The following MS4A7 variants were observed in gnomAD, a reference collection of about 807,000 sequenced individuals.
MS4A7 encodes the protein membrane-spanning 4-domains subfamily A member 7.
In MS4A7, 21 loss-of-function variants were observed where a neutral mutation model predicts 23.5. That is an observed-to-expected ratio of 0.89 (90% CI 0.63 to 1.29). The LOEUF is 1.29. Ranked by LOEUF, MS4A7 falls within the 50% of genes most tolerant of loss-of-function variation. MS4A7 has a pLI of 0.00. For synonymous variants in MS4A7, 111 were observed against 107.4 expected (o/e 1.03, Z -0.21); for missense variants, 263 against 274.2 (o/e 0.96, Z 0.29).
intron 4 of MS4A7, 162 bp from the exon 5 acceptor site, chr11:60,389,228 C>T (rs2233250): frequency 2.1e-4 from 126 of 599,730 alleles, no homozygotes; most frequent in East Asian, 3.9e-4. Flanking sequence ...AACTAAATAG[C>T]GACAAGAGAT....
At chr11:60,391,634 C>T (rs1363604340) in intron 5 of MS4A7, among the ~76,000 whole-genome samples, 1 of 152,002 alleles carries the variant, frequency 6.6e-6, no homozygotes, top group Non-Finnish European at 1.5e-5. Flanking sequence ...GTAATAGAAA[C>T]CAGGCCAGGT....
chr11:60,393,778 A>G lies in MS4A7; in HGVS notation c.649-9A>G. The stretch of plus-strand genomic sequence containing the variant: ...GTTTAAAAATTCTAACCAATTATGT[A>G]TTTTCTAGAGTTCATTTTCCTCGAC... On this transcript the variant is annotated splice_polypyrimidine_tract_variant and intron_variant, in intron 6 of 6. Transcript: ENST00000300184. 6.3e-7 allele frequency: 1 copy of G among 1,598,568 alleles called. No homozygotes were observed. The highest frequency in any genetic ancestry group is 8.5e-7 in the Non-Finnish European group (1 of 1,171,790).
At chr11:60,386,475 G>A in intron 3 of MS4A7, 1 of 429,890 alleles carries the variant, frequency 2.3e-6, no homozygotes, top group Non-Finnish European at 4.1e-6. Flanking sequence ...TCAGTTCCTA[G>A]TGATTTCCAC....
At chr11:60,382,891 C>T (rs941752097) in intron 1 of MS4A7, among the ~76,000 whole-genome samples, 1 of 152,052 alleles carries the variant, frequency 6.6e-6, no homozygotes, top group Non-Finnish European at 1.5e-5. Context: ...ATTGTGGGAC[C>T]CCTCAAAATG....
rs370645324 is a variant in MS4A7 at position 60,392,783 on chromosome 11, T to C, written c.645T>C (p.Pro215=). The C allele has an allele frequency of 3.1e-6, 5 of 1,610,050 alleles. No homozygotes were observed. In the South Asian group the frequency reaches 4.4e-5, roughly 14 times the overall value. ...GGAAACAGCTCTACTCCAACAACCCTGGGGTGAGTATGCTGACATGTCGCC... is the reference window on the plus strand; with the variant it reads ...GGAAACAGCTCTACTCCAACAACCCCGGGGTGAGTATGCTGACATGTCGCC... ...FWWKQLYSNN[P]GSSFSSTQSQ... Residue 215 remains proline, a synonymous_variant, in exon 6 of 7, where the codon CCT becomes CCC. Coordinates refer to ENST00000300184, the MANE Select transcript of MS4A7 (RefSeq NM_021201.5).
At position 60,394,041 on chromosome 11, in the gene MS4A7, A is replaced by C. The variant is rs1379237234; in HGVS notation, c.*180A>C. 2 of 361,588 alleles carry C rather than the reference A, an allele frequency of 5.5e-6. No individual in the cohort carries two copies. The highest frequency in any genetic ancestry group is 1.1e-4 in the South Asian group (2 of 18,848). 22.4% of individuals were successfully genotyped at this position (361,588 alleles called of 1,614,324 possible). A position where few individuals can be genotyped will look rare whatever the true frequency, so the allele number is the denominator to read the frequency against. ...AATTTCTCTTGAAAATAATTTCCTC[A>C]AAGCCCAAGTCAATAAATGTTATCA... is the stretch of plus-strand genomic sequence containing the variant. On this transcript the variant is annotated 3_prime_UTR_variant, in exon 7 of 7. Transcript: ENST00000300184.
rs1214852409 is a variant in MS4A7 at position 60,394,379 on chromosome 11, C to T, written c.*518C>T. On this transcript the variant is annotated 3_prime_UTR_variant, in exon 7 of 7. Coordinates refer to ENST00000300184, the MANE Select transcript of MS4A7 (RefSeq NM_021201.5). ...AGGTGGAAGACAGCAAAGAGATCTT[C>T]TCAAGTGCTTAGGATTACCTCTCAA... is the stretch of plus-strand genomic sequence containing the variant. 1 of 152,732 alleles carries T rather than the reference C, an allele frequency of 6.5e-6. No individual in the cohort carries two copies. The highest frequency in any genetic ancestry group is 6.5e-5 in the Admixed American group (1 of 15,300). 9.5% of individuals were successfully genotyped at this position (152,732 alleles called of 1,614,324 possible).
chr11:60,390,589 C>A (rs1484713177), intron 5 of MS4A7, among the ~76,000 whole-genome samples: 3 of 152,082 alleles, frequency 2.0e-5, no homozygotes, highest in Admixed American at 2.0e-4. Flanking sequence ...AGCACAGAGA[C>A]CTGTCTGGAG....
intron 4 of MS4A7, 26 bp from the exon 5 acceptor site, chr11:60,389,364 A>T (rs778741586): frequency 1.3e-6 from 2 of 1,580,256 alleles, no homozygotes; most frequent in Non-Finnish European, 1.7e-6. Flanking sequence ...CTGTGATGAG[A>T]ACCCAATGCA....
intron 5 of MS4A7, 95 bp from the exon 6 acceptor site, chr11:60,392,590 T>C: frequency 1.2e-6 from 1 of 831,266 alleles, no homozygotes; most frequent in South Asian, 1.6e-5. Context: ...TCTCCTTTTC[T>C]CTGCATTGCT....
In MS4A7 at chr11:60,395,887, C is replaced by T. The variant is rs1390983255; in HGVS notation, c.*2026C>T. The T allele has an allele frequency of 6.6e-6, 1 of 151,656 alleles. No homozygotes were observed. The highest frequency in any genetic ancestry group is 6.6e-5 in the Admixed American group (1 of 15,236). The allele number at this position is 151,656 out of a possible 1,614,324, so 9.4% of individuals were successfully genotyped here. ...ATGTATATCAAAACATGTAGTACAC[C>T]CTAAATATATATAATTTTTATTTGT... On this transcript the variant is annotated 3_prime_UTR_variant, in exon 7 of 7. Transcript: ENST00000300184.
At position 60,383,276 on chromosome 11, in the gene MS4A7, C is replaced by T. The variant is rs1231910493; in HGVS notation, c.135C>T (p.Thr45=). Reference sequence around the variant, plus strand: ...TGCAGAACGGGCTGCCAACAGAAACCACCGTTCTTGGGGTAAGTCCACCTC... The same window carrying T: ...TGCAGAACGGGCTGCCAACAGAAACTACCGTTCTTGGGGTAAGTCCACCTC... ...DYLQNGLPTE[T]TVLGTVQILC... Residue 45 remains threonine, a synonymous_variant, in exon 2 of 7, where the codon ACC becomes ACT. Coordinates refer to ENST00000300184, the MANE Select transcript of MS4A7 (RefSeq NM_021201.5). 6.2e-7 allele frequency: 1 copy of T among 1,613,994 alleles called. No individual in the cohort carries two copies. The highest frequency in any genetic ancestry group is 8.5e-7 in the Non-Finnish European group (1 of 1,179,986).
intron 4 of MS4A7, chr11:60,389,123 A>G: frequency 4.6e-6 from 2 of 435,658 alleles, no homozygotes; most frequent in Non-Finnish European, 8.4e-6. Context: ...CTTGAGTGCT[A>G]TAGAGAGTCA....
At chr11:60,389,332 C>T in intron 4 of MS4A7, 58 bp from the exon 5 acceptor site, 1 of 1,419,788 alleles carries the variant, frequency 7.0e-7, no homozygotes, top group Non-Finnish European at 9.7e-7. Flanking sequence ...GGACAGAGGA[C>T]TAATAGTGTC....
intron 3 of MS4A7, among the ~76,000 whole-genome samples, chr11:60,386,163 T>C (rs888710901): frequency 2.0e-5 from 3 of 152,242 alleles, no homozygotes; most frequent in African/African-American, 4.8e-5. Context: ...GCCAGCTGGA[T>C]CTTTAATACC....
At chr11:60,393,585 A>G (rs1297125311) in intron 6 of MS4A7, among the ~76,000 whole-genome samples, 2 of 152,242 alleles carry the variant, frequency 1.3e-5, no homozygotes, top group African/African-American at 4.8e-5. Context: ...TTATGATTTA[A>G]CTATGATCCT....
intron 6 of MS4A7, among the ~76,000 whole-genome samples, chr11:60,393,052 T>C (rs1216147034): frequency 6.6e-6 from 1 of 151,158 alleles, no homozygotes; most frequent in East Asian, 1.9e-4. Context: ...ACCCAGGAAG[T>C]GGAGGTTGCA....
chr11:60,385,010 T>A, intron 2 of MS4A7, 78 bp from the exon 3 acceptor site: 1 of 1,350,160 alleles, frequency 7.4e-7, no homozygotes, highest in Admixed American at 1.8e-5. Flanking sequence ...ATACTCTTTA[T>A]ACTTTACCGT....
In MS4A7 at chr11:60,392,806, G is replaced by C; in HGVS notation, c.648+20G>C. On this transcript the variant is annotated intron_variant, in intron 6 of 6. Coordinates refer to ENST00000300184, the MANE Select transcript of MS4A7 (RefSeq NM_021201.5). ...CCTGGGGTGAGTATGCTGACATGTC[G>C]CCTGATACCTGCTGTGTCTCAGGTC... The C allele has an allele frequency of 6.6e-7, 1 of 1,515,896 alleles. No individual in the cohort carries two copies. The highest frequency in any genetic ancestry group is 9.2e-7 in the Non-Finnish European group (1 of 1,091,018). The allele number at this position is 1,515,896 out of a possible 1,614,324, so 93.9% of individuals were successfully genotyped here. A position where few individuals can be genotyped will look rare whatever the true frequency, so the allele number is the denominator to read the frequency against.
Sources: allele counts gnomAD v4.1 joint callset (sites outside exome capture counted in the v4.1 genomes callset), GRCh38; gene constraint gnomAD v4.1.1; transcripts MANE v1.5; gene names NCBI Gene and HGNC (gene_info 2026-07-23, HGNC 2026-07-21).